The following YDJC variants were observed in gnomAD, a reference collection of about 807,000 sequenced individuals.
YDJC encodes YdjC chitooligosaccharide deacetylase homolog, also known as carbohydrate deacetylase.
A neutral mutation model predicts 18.9 loss-of-function variants in YDJC; 23 were observed. The ratio of observed to expected loss-of-function variants is 1.22; its 90% CI spans 0.87 to 1.72. YDJC has a LOEUF of 1.72. Ranked by LOEUF, YDJC falls within the 40% of genes most tolerant of loss-of-function variation. YDJC has a pLI of 0.00. For synonymous variants in YDJC, 224 were observed against 217.6 expected (o/e 1.03, Z -0.26); for missense variants, 467 against 470.8 (o/e 0.99, Z 0.07).
chr22:21,629,083 C>A lies in YDJC; in HGVS notation c.529G>T (p.Ala177Ser). Residue 177 changes from alanine (A) to serine (S), a missense_variant, in exon 4 of 5, where the codon GCG becomes TCG. Coordinates refer to ENST00000292778, the MANE Select transcript of YDJC (RefSeq NM_001017964.2). ...VGGCTWLEAPARAFACAVERD... is the reference protein window; with the variant it reads ...VGGCTWLEAPSRAFACAVERD... Reference sequence around the variant, plus strand: ...TCCACGGCGCAGGCGAAGGCACGCGCGGGGGCCTCCAGCCAAGTGCAGCCA... The same window carrying A: ...TCCACGGCGCAGGCGAAGGCACGCGAGGGGGCCTCCAGCCAAGTGCAGCCA... The A allele has an allele frequency of 6.5e-7, 1 of 1,535,050 alleles. No homozygotes were observed. The highest frequency in any genetic ancestry group is 8.7e-7 in the Non-Finnish European group (1 of 1,145,542).
In YDJC at chr22:21,629,658, G is replaced by A. The variant is rs1568994581; in HGVS notation, c.268C>T (p.Leu90Phe). The A allele has an allele frequency of 1.2e-6, 2 of 1,612,334 alleles. No individual in the cohort carries two copies. The highest frequency in any genetic ancestry group is 2.2e-5 in the East Asian group (1 of 44,858). ...GCCTCCCGGAATCCCATCTTGCCAA[G>A]GAAGAAGCCTTCCGGGCCGAGCAGC... ...SSLLGPEGFF[L>F]GKMGFREAVA... The change falls in exon 2 of 5, where the codon CTT becomes TTT. Residue 90 changes from leucine (L) to phenylalanine (F), a missense_variant. Physicochemically the swap from Leu to Phe is conservative, Grantham distance 22. Transcript: ENST00000292778.
At position 21,629,081 on chromosome 22, in the gene YDJC, C is replaced by T; in HGVS notation, c.531G>A (p.Ala177=). The change falls in exon 4 of 5, where the codon GCG becomes GCA. Residue 177 remains alanine (A), a synonymous_variant. Transcript: ENST00000292778. ...GCTCCACGGCGCAGGCGAAGGCACG[C>T]GCGGGGGCCTCCAGCCAAGTGCAGC... ...VGGCTWLEAP[A]RAFACAVERD... 1 of 1,534,806 alleles carries T rather than the reference C, an allele frequency of 6.5e-7. No individual in the cohort carries two copies. The highest frequency in any genetic ancestry group is 8.7e-7 in the Non-Finnish European group (1 of 1,145,472).
Position 21,628,764 on chromosome 22 carries a change from A to G in YDJC, c.626T>C (p.Leu209Pro). The G allele has an allele frequency of 6.7e-7, 1 of 1,491,518 alleles. No homozygotes were observed. Among genetic ancestry groups the G allele is most frequent in the Non-Finnish European group, 8.9e-7 (1 of 1,118,062 alleles). The allele number at this position is 1,491,518 out of a possible 1,614,324, so 92.4% of individuals were successfully genotyped here. A position where few individuals can be genotyped will look rare whatever the true frequency, so the allele number is the denominator to read the frequency against. The change falls in exon 5 of 5, where the codon CTG becomes CCG. Residue 209 changes from leucine (L) to proline (P), a missense_variant. Coordinates refer to ENST00000292778, the MANE Select transcript of YDJC (RefSeq NM_001017964.2). ...GLRWTDAFVG[L>P]STCGRHMSAH... Reference sequence around the variant, plus strand: ...GGACATGTGCCGGCCGCAAGTGCTCAGGCCCACGAAGGCGTCTGTCCACCT... The same window carrying G: ...GGACATGTGCCGGCCGCAAGTGCTCGGGCCCACGAAGGCGTCTGTCCACCT...
Position 21,628,349 on chromosome 22 carries a change from G to T in YDJC, c.*69C>A. 1 of 1,475,388 alleles carries T rather than the reference G, an allele frequency of 6.8e-7. No homozygotes were observed. The allele number at this position is 1,475,388 out of a possible 1,614,324, so 91.4% of individuals were successfully genotyped here. A position where few individuals can be genotyped will look rare whatever the true frequency, so the allele number is the denominator to read the frequency against. ...TGCTCCAGGTCCCAGCTCTGGGCTG[G>T]GCCAGGACTAAATCCTGGCTCCCCT... On this transcript the variant is annotated 3_prime_UTR_variant, in exon 5 of 5. Coordinates refer to ENST00000292778, the MANE Select transcript of YDJC (RefSeq NM_001017964.2).
Position 21,629,217 on chromosome 22 carries a change from C to G in YDJC, c.425-30G>C, listed in dbSNP as rs1333299439. The G allele has an allele frequency of 3.2e-6, 5 of 1,547,564 alleles. No individual in the cohort carries two copies. The South Asian group carries it at 6.0e-5, about 18-fold the overall frequency. On this transcript the variant is annotated intron_variant, in intron 3 of 4. Coordinates refer to ENST00000292778, the MANE Select transcript of YDJC (RefSeq NM_001017964.2). Reference sequence around the variant, plus strand: ...GGGCGGAGCGGGTCAGGGAGGAGCACGTCCTTTCACCTGGGGGCATCGAAC... The same window carrying G: ...GGGCGGAGCGGGTCAGGGAGGAGCAGGTCCTTTCACCTGGGGGCATCGAAC...
chr22:21,628,943 G>A (rs1223231386), intron 4 of YDJC, 67 bp downstream of exon 4: 5 of 1,433,646 alleles, frequency 3.5e-6, no homozygotes, highest in Middle Eastern at 1.8e-4. Flanking sequence ...GACACAGCTA[G>A]CCAGGTGAAC....
rs370326544 is a variant in YDJC at position 21,629,932 on chromosome 22, G to C, written c.83C>G (p.Ala28Gly). 14 of 1,604,710 alleles carry C rather than the reference G, an allele frequency of 8.7e-6. No homozygotes were observed. The highest frequency in any genetic ancestry group is 3.3e-5 in the South Asian group (3 of 90,282). ...GCTGGTCACAGCCCCGGCCAGAAAG[G>C]CCTCCACGATACCCTCATCGCGTCG... is the stretch of plus-strand genomic sequence containing the variant. The part of the protein sequence containing the change: ...CPRRDEGIVE[A>G]FLAGAVTSVS... Residue 28 changes from alanine to glycine, a missense_variant, in exon 1 of 5, where the codon GCC (alanine) becomes GGC (glycine). Coordinates refer to ENST00000292778, the MANE Select transcript of YDJC (RefSeq NM_001017964.2).
chr22:21,629,552 G>C (rs546680997), intron 2 of YDJC, 50 bp downstream of exon 2: 1 of 1,611,282 alleles, frequency 6.2e-7, no homozygotes, highest in East Asian at 2.2e-5. Context: ...CCCTCCGGGC[G>C]GAGCTCTGGG....
rs1930350287 is a variant in YDJC at position 21,628,783 on chromosome 22, TC to T, written c.606del (p.Trp202Ter). Reference protein sequence around the residue: ...VGPFSRHGLRWTDAFVGLSTC... With the variant: ...VGPFSRHGLRXTDAFVGLSTC... ...GTGCTCAGGCCCACGAAGGCGTCTG[TC>T]CACCTGTGGGGGGCGGGACATCAGA... On this transcript the variant is annotated frameshift_variant, in exon 5 of 5. Transcript: ENST00000292778. LOFTEE classifies it low-confidence loss of function (END_TRUNC). 2 of 1,446,338 alleles carry T rather than the reference TC, an allele frequency of 1.4e-6. No individual in the cohort carries two copies. The highest frequency in any genetic ancestry group is 1.8e-6 in the Non-Finnish European group (2 of 1,093,384). 89.6% of individuals were successfully genotyped at this position (1,446,338 alleles called of 1,614,324 possible). A position where few individuals can be genotyped will look rare whatever the true frequency, so the allele number is the denominator to read the frequency against.
Position 21,628,419 on chromosome 22 carries a change from C to T in YDJC, c.971G>A (p.Ter324=), listed in dbSNP as rs571122057. 16 of 1,536,264 alleles carry T rather than the reference C, an allele frequency of 1.0e-5. No individual in the cohort carries two copies. In the East Asian group the frequency reaches 3.4e-4, roughly 33 times the overall value. ...LEPFLEPSLL[*] ...TAGTGCTTGGTTGTCTGTAGGGGGT[C>T]AGAGTAGGGAGGGTTCCAGGAAGGG... Residue 324 remains the stop codon, a stop_retained_variant, in exon 5 of 5, where the codon TGA becomes TAA. Coordinates refer to ENST00000292778, the MANE Select transcript of YDJC (RefSeq NM_001017964.2).
At position 21,628,788 on chromosome 22, in the gene YDJC, C is replaced by T. The variant is rs1369092924; in HGVS notation, c.603-1G>A. 1 of 1,424,638 alleles carries T rather than the reference C, an allele frequency of 7.0e-7. No homozygotes were observed. The highest frequency in any genetic ancestry group is 9.3e-7 in the Non-Finnish European group (1 of 1,080,102). The allele number at this position is 1,424,638 out of a possible 1,614,324, so 88.2% of individuals were successfully genotyped here. On this transcript the variant is annotated splice_acceptor_variant, in intron 4 of 4. Coordinates refer to ENST00000292778, the MANE Select transcript of YDJC (RefSeq NM_001017964.2). LOFTEE classifies it high-confidence loss of function. Reference sequence around the variant, plus strand: ...CAGGCCCACGAAGGCGTCTGTCCACCTGTGGGGGGCGGGACATCAGAGGTG... The same window carrying T: ...CAGGCCCACGAAGGCGTCTGTCCACTTGTGGGGGGCGGGACATCAGAGGTG...
chr22:21,630,007 C>G lies in YDJC; in HGVS notation c.8G>C (p.Arg3Pro). 6.3e-7 allele frequency: 1 copy of G among 1,594,824 alleles called. No individual in the cohort carries two copies. The highest frequency in any genetic ancestry group is 8.5e-7 in the Non-Finnish European group (1 of 1,175,490). The change falls in exon 1 of 5, where the codon CGC becomes CCC. Residue 3 changes from arginine (R) to proline (P), a missense_variant. Physicochemically the swap from Arg to Pro is moderately radical, Grantham distance 103. Transcript: ENST00000292778. The part of the protein sequence containing the change: MS[R>P]PRMRLVVTAD... ...GGTGACCACCAGGCGCATGCGAGGG[C>G]GGGACATGGCCGCCTGGGTCCACCG... is the stretch of plus-strand genomic sequence containing the variant.
intron 3 of YDJC, 55 bp downstream of exon 3, chr22:21,629,253 C>G: frequency 6.5e-7 from 1 of 1,550,000 alleles, no homozygotes; most frequent in Admixed American, 2.0e-5. Context: ...TTCCCCTACT[C>G]CCCCAGCCCC....
rs955556058 is a variant in YDJC at position 21,628,682 on chromosome 22, G to A, written c.708C>T (p.His236=). Residue 236 remains histidine, a synonymous_variant, in exon 5 of 5, where the codon CAC becomes CAT. Transcript: ENST00000292778. The part of the protein sequence containing the change: ...ARVLEGTLAG[H]TLTAELMAHP... ...GCGCCATCAGCTCGGCTGTCAGGGT[G>A]TGGCCCGCTAGGGTACCTTCCAGGA... 3.2e-6 allele frequency: 5 copies of A among 1,558,404 alleles called. No individual in the cohort carries two copies. In the Admixed American group the frequency reaches 5.7e-5, roughly 18 times the overall value.
Position 21,628,325 on chromosome 22 carries a change from G to C in YDJC, c.*93C>G. ...CTACCCAGGGAAGTCAACAGATCGT[G>C]CTCCAGGTCCCAGCTCTGGGCTGGG... On this transcript the variant is annotated 3_prime_UTR_variant, in exon 5 of 5. Transcript: ENST00000292778. 6.9e-7 allele frequency: 1 copy of C among 1,442,888 alleles called. No individual in the cohort carries two copies. 89.4% of individuals were successfully genotyped at this position (1,442,888 alleles called of 1,614,324 possible).
In YDJC at chr22:21,628,709, C is replaced by G. The variant is rs924215385; in HGVS notation, c.681G>C (p.Arg227=). The change falls in exon 5 of 5, where the codon CGG becomes CGC. Residue 227 remains arginine (R), a synonymous_variant. Transcript: ENST00000292778. ...SAHRVSGALA[R]VLEGTLAGHT... is the part of the protein sequence containing the mutation. The stretch of plus-strand genomic sequence containing the variant: ...GGCCCGCTAGGGTACCTTCCAGGAC[C>G]CGCGCCAGGGCCCCGGACACGCGGT... 1 of 1,539,550 alleles carries G rather than the reference C, an allele frequency of 6.5e-7. No individual in the cohort carries two copies. Among genetic ancestry groups the G allele is most frequent in the African/African-American group, 1.4e-5 (1 of 72,972 alleles).
chr22:21,628,864 C>T (rs1276372047), intron 4 of YDJC, 77 bp from the exon 5 acceptor site: 4 of 305,878 alleles, frequency 1.3e-5, no homozygotes, highest in African/African-American at 7.9e-5. Context: ...GAAGGGACGG[C>T]GGGGTGGGAG....
chr22:21,629,133 C>T lies in YDJC; in HGVS notation c.479G>A (p.Arg160Gln). The change falls in exon 4 of 5, where the codon CGA (arginine) becomes CAA (glutamine). Residue 160 changes from arginine to glutamine, a missense_variant. Physicochemically the swap from Arg to Gln is conservative, Grantham distance 43 (BLOSUM62 1). Coordinates refer to ENST00000292778, the MANE Select transcript of YDJC (RefSeq NM_001017964.2). Reference sequence around the variant, plus strand: ...ACCCACACCGCGCTCCAGCGGCAGTCGCGTAAAGCGCACCCCATAGGCCTG... The same window carrying T: ...ACCCACACCGCGCTCCAGCGGCAGTTGCGTAAAGCGCACCCCATAGGCCTG... ...ALQAYGVRFT[R>Q]LPLERGVGGC... is the part of the protein sequence containing the mutation. 1.3e-6 allele frequency: 2 copies of T among 1,539,354 alleles called. No homozygotes were observed. The highest frequency in any genetic ancestry group is 8.7e-7 in the Non-Finnish European group (1 of 1,146,376).
At chr22:21,628,901 C>A in intron 4 of YDJC, 109 bp downstream of exon 4, 1 of 1,420,006 alleles carries the variant, frequency 7.0e-7, no homozygotes, top group Non-Finnish European at 9.2e-7. Context: ...CGGCAGCGGT[C>A]GACGCCAGAC....
Sources: allele counts gnomAD v4.1 joint callset, GRCh38; gene constraint gnomAD v4.1.1; transcripts MANE v1.5; gene names NCBI Gene and HGNC (gene_info 2026-07-23, HGNC 2026-07-21).